Variants in COL17A1 observed in about 807,000 individuals in gnomAD.
The protein encoded by COL17A1 is collagen type XVII alpha 1 chain, also known as collagen alpha-1(XVII) chain.
Under a neutral mutation model 218.4 loss-of-function variants are expected in COL17A1, and 181 were observed. The ratio of observed to expected loss-of-function variants is 0.83; its 90% CI spans 0.73 to 0.94. The LOEUF (loss-of-function observed/expected upper bound fraction) is 0.94. Ranked by LOEUF, COL17A1 falls within the 40% of genes least tolerant of loss-of-function variation. COL17A1 has a pLI of 0.00. For synonymous variants in COL17A1, 721 were observed against 731.0 expected, an observed-to-expected ratio of 0.99 and a Z score of 0.22; for missense variants, 1,924 against 1,945.9, an observed-to-expected ratio of 0.99 and a Z score of 0.21.
intron 29 of COL17A1, among the ~76,000 whole-genome samples, chr10:104,048,445 C>T (rs886078268): frequency 6.6e-6 from 1 of 152,242 alleles, no homozygotes; most frequent in African/African-American, 2.4e-5. Flanking sequence ...TGTAACCTCT[C>T]TCCAAAATGG....
At chr10:104,033,440 A>G (rs1243124565) in intron 52 of COL17A1, 65 bp from the exon 53 acceptor site, 5 of 1,574,664 alleles carry the variant, frequency 3.2e-6, no homozygotes, top group Non-Finnish European at 4.3e-6. Context: ...CAGCAGGAGC[A>G]CAGTGCCCTC....
Position 104,060,270 on chromosome 10 carries a change from T to G in COL17A1, c.990A>C (p.Thr330=), listed in dbSNP as rs142852551. 2.2e-4 allele frequency: 355 copies of G among 1,613,884 alleles called. No individual in the cohort carries two copies. Among genetic ancestry groups the G allele is most frequent in the Non-Finnish European group, 3.0e-4 (349 of 1,180,000 alleles). The change falls in exon 14 of 56, where the codon ACA becomes ACC. Residue 330 remains threonine, a synonymous_variant. Transcript: ENST00000648076. ...TGVSTSAACT[T]SVQSDDLLHK... ...GCAAAAGGTCATCGCTCTGCACACT[T>G]GTGGTGCAGGCTGGGGAGAAAGAAA...
chr10:104,068,633 A>G (rs1345293995), intron 9 of COL17A1, among the ~76,000 whole-genome samples: 1 of 152,252 alleles, frequency 6.6e-6, no homozygotes, highest in Non-Finnish European at 1.5e-5. Flanking sequence ...AGCGGGGCCT[A>G]ATAAATAGCA....
chr10:104,052,012 T>C (rs1278136353), intron 24 of COL17A1, 143 bp downstream of exon 24: 3 of 1,118,776 alleles, frequency 2.7e-6, no homozygotes, highest in Non-Finnish European at 4.1e-6. Context: ...GGGGATGCTC[T>C]TTGGACCCAC....
At chr10:104,042,729 A>G (rs761979807) in intron 35 of COL17A1, among the ~76,000 whole-genome samples, 68 of 152,280 alleles carry the variant, frequency 4.5e-4, no homozygotes, top group Non-Finnish European at 5.4e-4. Context: ...ACTCCTTCTC[A>G]CTGGAGCTTG....
At chr10:104,078,934 C>A (rs2086735573) in intron 2 of COL17A1, among the ~76,000 whole-genome samples, 1 of 152,212 alleles carries the variant, frequency 6.6e-6, no homozygotes, top group Admixed American at 6.5e-5. Flanking sequence ...CCTCTTGTCT[C>A]AAGTCACTCC....
chr10:104,083,389 G>A (rs189258751), intron 1 of COL17A1, among the ~76,000 whole-genome samples: 1 of 152,238 alleles, frequency 6.6e-6, no homozygotes, highest in Non-Finnish European at 1.5e-5. Flanking sequence ...AGATATTTGG[G>A]CCACTTCACT....
intron 24 of COL17A1, among the ~76,000 whole-genome samples, 200 bp from the exon 25 acceptor site, chr10:104,051,716 C>T (rs2086471650): frequency 6.6e-6 from 1 of 152,214 alleles, no homozygotes; most frequent in African/African-American, 2.4e-5. Flanking sequence ...CTACCCTTTG[C>T]TCTTTCCTGG....
rs754711802 is a variant in COL17A1, at chr10:104,045,781, G to C, written c.2375C>G (p.Thr792Ser). 1.9e-6 allele frequency: 3 copies of C among 1,612,714 alleles called. No individual in the cohort carries two copies. The highest frequency in any genetic ancestry group is 2.5e-6 in the Non-Finnish European group (3 of 1,178,638). Residue 792 changes from threonine (T) to serine (S), a missense_variant, in exon 33 of 56, where the codon ACC becomes AGC. Coordinates refer to ENST00000648076, the MANE Select transcript of COL17A1 (RefSeq NM_000494.4). The part of the protein sequence containing the change: ...GPQGPQGLPG[T>S]PGRPGIKGEP... The stretch of plus-strand genomic sequence containing the variant: ...ACCTTTTATTCCTGGTCGGCCAGGG[G>C]TACCGGGAAGTCCTGATGTGATTAG...
chr10:104,055,528 G>T, intron 18 of COL17A1, 127 bp from the exon 19 acceptor site: 1 of 1,445,132 alleles, frequency 6.9e-7, no homozygotes, highest in Non-Finnish European at 9.5e-7. Flanking sequence ...GCAAAGACTA[G>T]AGATCAGATT....
Position 104,049,427 on chromosome 10 carries a change from C to T in COL17A1, c.2209G>A (p.Gly737Arg), listed in dbSNP as rs764552135. 5 of 1,614,206 alleles carry T rather than the reference C, an allele frequency of 3.1e-6. No homozygotes were observed. Among genetic ancestry groups the T allele is most frequent in the African/African-American group, 2.7e-5 (2 of 75,042 alleles). Residue 737 changes from glycine to arginine, a missense_variant, in exon 29 of 56, where the codon GGG becomes AGG. Coordinates refer to ENST00000648076, the MANE Select transcript of COL17A1 (RefSeq NM_000494.4). Reference protein sequence around the residue: ...RGLPGAVGEPGAKGAMGPAGP... With the variant: ...RGLPGAVGEPRAKGAMGPAGP... ...CACTTACCCATTGCTCCTTTAGCCC[C>T]GGGCTCACCAACAGCACCAGGCAAA...
At chr10:104,079,387 G>A (rs539636544) in intron 2 of COL17A1, among the ~76,000 whole-genome samples, 3 of 152,262 alleles carry the variant, frequency 2.0e-5, no homozygotes, top group African/African-American at 7.2e-5. Flanking sequence ...ATGTGTGCAT[G>A]TATGTGTGTG....
rs1427899378 is a variant in COL17A1 at position 104,047,823 on chromosome 10, T to A, written c.2264-13A>T. ...AGACCTTGTTCACCTAGAGAGAGAA[T>A]GGCCAACGTGGAAGTGTTTACATTT... On this transcript the variant is annotated splice_polypyrimidine_tract_variant and intron_variant, in intron 30 of 55. Transcript: ENST00000648076. 1 of 1,609,766 alleles carries A rather than the reference T, an allele frequency of 6.2e-7. No homozygotes were observed. Among genetic ancestry groups the A allele is most frequent in the Admixed American group, 1.7e-5 (1 of 60,026 alleles).
intron 5 of COL17A1, among the ~76,000 whole-genome samples, chr10:104,074,541 C>T (rs1250139017): frequency 6.6e-6 from 1 of 152,230 alleles, no homozygotes; most frequent in Non-Finnish European, 1.5e-5. Context: ...CCGGCTTGTC[C>T]TGTGTCTGTC....
chr10:104,051,435 C>A (rs979825370), intron 25 of COL17A1, 46 bp downstream of exon 25: 6 of 1,611,952 alleles, frequency 3.7e-6, no homozygotes, highest in African/African-American at 1.3e-5. Context: ...ACATTGCCAC[C>A]TTTGCCCTGG....
chr10:104,074,079 T>A, intron 6 of COL17A1, 105 bp downstream of exon 6: 1 of 1,563,640 alleles, frequency 6.4e-7, no homozygotes, highest in Non-Finnish European at 8.8e-7. Context: ...TTTAGAAGAA[T>A]CCATTTAACT....
intron 29 of COL17A1, 155 bp from the exon 30 acceptor site, chr10:104,048,259 C>G: frequency 5.0e-6 from 4 of 805,314 alleles, no homozygotes; most frequent in South Asian, 1.3e-5. Flanking sequence ...TCTCTGGATA[C>G]GGTACTCCCA....
intron 29 of COL17A1, 59 bp from the exon 30 acceptor site, chr10:104,048,163 C>T: frequency 6.3e-7 from 1 of 1,584,094 alleles, no homozygotes; most frequent in Non-Finnish European, 8.7e-7. Flanking sequence ...GCGATTCCTC[C>T]CTCTACTGTC....
rs565506755 is a variant in COL17A1, at chr10:104,074,108, C to T, written c.379+76G>A. On this transcript the variant is annotated intron_variant, in intron 6 of 55. Transcript: ENST00000648076. ...TTTAACTCATGAGGTCCCCTACTCCCACCACTTCATCTCCCCCAGGGATTT... is the reference window on the plus strand; with the variant it reads ...TTTAACTCATGAGGTCCCCTACTCCTACCACTTCATCTCCCCCAGGGATTT... 7.3e-4 allele frequency: 1,181 copies of T among 1,610,272 alleles called. 20 individuals carry two copies. In the South Asian group the frequency reaches 0.012, roughly 17 times the overall value.
Sources: allele counts gnomAD v4.1 joint callset (sites outside exome capture counted in the v4.1 genomes callset), GRCh38; gene constraint gnomAD v4.1.1; transcripts MANE v1.5; gene names NCBI Gene and HGNC (gene_info 2026-07-23, HGNC 2026-07-21).